The following PTPRN2 variants were observed in gnomAD, a reference collection of about 807,000 sequenced individuals.
PTPRN2 encodes the protein protein tyrosine phosphatase receptor type N2.
In PTPRN2, 74 loss-of-function variants were observed where a neutral mutation model predicts 118.8. That is an observed-to-expected ratio of 0.62 (90% CI 0.52 to 0.76). The LOEUF (loss-of-function observed/expected upper bound fraction) is 0.76. Ranked by LOEUF, PTPRN2 falls within the 30% of genes least tolerant of loss-of-function variation. The pLI is 0.00. For synonymous variants in PTPRN2, 641 were observed against 608.0 expected (o/e 1.05, Z -0.80); for missense variants, 1,481 against 1,394.4 (o/e 1.06, Z -0.99).
intron 5 of PTPRN2, among the ~76,000 whole-genome samples, chr7:158,173,537 G>GGTTCCA (rs1823907445): frequency 6.6e-6 from 1 of 152,318 alleles, no homozygotes; most frequent in African/African-American, 2.4e-5. Flanking sequence ...TTACTGATGA[G>GGTTCCA]TGTCCCACTG....
intron 13 of PTPRN2, among the ~76,000 whole-genome samples, chr7:157,679,552 A>G (rs891790559): frequency 2.0e-5 from 3 of 152,226 alleles, no homozygotes; most frequent in Non-Finnish European, 2.9e-5. Context: ...TTGAGGAAAA[A>G]CAGGTAAACA....
intron 5 of PTPRN2, among the ~76,000 whole-genome samples, chr7:158,187,090 T>C (rs931650070): frequency 1.3e-4 from 20 of 152,196 alleles, no homozygotes; most frequent in African/African-American, 4.3e-4. Flanking sequence ...ACCCTCACAA[T>C]GCAGAAGTCG....
intron 12 of PTPRN2, among the ~76,000 whole-genome samples, chr7:157,810,126 C>A (rs1805896475): frequency 6.6e-6 from 1 of 152,236 alleles, no homozygotes; most frequent in African/African-American, 2.4e-5. Flanking sequence ...ACACCCTGAG[C>A]TTCTGCGGAG....
intron 11 of PTPRN2, among the ~76,000 whole-genome samples, chr7:158,014,941 A>AT (rs1317750526): frequency 6.6e-6 from 1 of 152,346 alleles, no homozygotes; most frequent in Non-Finnish European, 1.5e-5. Context: ...GATTGTTTTT[A>AT]TCAAGTATTT....
At chr7:158,203,599 C>CA (rs36100811) in intron 4 of PTPRN2, among the ~76,000 whole-genome samples, 241 of 152,002 alleles carry the variant, frequency 1.6e-3, no homozygotes, top group Non-Finnish European at 2.8e-3. Context: ...GTTCTGCACC[C>CA]CCCCAGAGTG....
At chr7:158,540,919 C>T (rs1206399237) in intron 1 of PTPRN2, among the ~76,000 whole-genome samples, 3 of 152,212 alleles carry the variant, frequency 2.0e-5, no homozygotes, top group Non-Finnish European at 4.4e-5. Flanking sequence ...ATTTACCGAG[C>T]GCCAAGCACA....
chr7:158,407,686 CCTGG>C (rs879367977), intron 2 of PTPRN2, among the ~76,000 whole-genome samples: 1,973 of 143,128 alleles, frequency 0.014, 230 homozygotes, highest in Middle Eastern at 0.022. Flanking sequence ...GGTCCTGGGT[CCTGG>C]GTCCTGCGTC....
chr7:157,773,762 C>T (rs1803027798), intron 12 of PTPRN2, among the ~76,000 whole-genome samples: 1 of 152,212 alleles, frequency 6.6e-6, no homozygotes. Context: ...CCCCCAGGTC[C>T]TGGTTGGTGG....
At chr7:157,634,999 G>C (rs1242925878) in intron 14 of PTPRN2, among the ~76,000 whole-genome samples, 1 of 152,222 alleles carries the variant, frequency 6.6e-6, no homozygotes, top group Non-Finnish European at 1.5e-5. Context: ...GTGACGTTAA[G>C]TCCAGAACAC....
At chr7:158,505,111 C>T (rs1334355436) in intron 1 of PTPRN2, among the ~76,000 whole-genome samples, 1 of 152,186 alleles carries the variant, frequency 6.6e-6, no homozygotes, top group African/African-American at 2.4e-5. Flanking sequence ...AACTCTGATG[C>T]AGGTAGGATT....
In PTPRN2 at chr7:158,070,983, G is replaced by A. The variant is rs555886225; in HGVS notation, c.1723+10315C>T. Among the ~76,000 whole-genome samples the A allele has an allele frequency of 1.0e-3, 89 of 86,490 alleles. 1 individual carries two copies. Among genetic ancestry groups the A allele is most frequent in the Non-Finnish European group, 1.4e-3 (63 of 45,128 alleles). 56.7% of individuals were successfully genotyped at this position (86,490 alleles called of 152,430 possible). On this transcript the variant is annotated intron_variant, in intron 11 of 22. Transcript: ENST00000389418. The stretch of plus-strand genomic sequence containing the variant: ...GGAGGTGCTCACGGTGGAGGTGCCC[G>A]TGGTGGTGGAGGTGCTCATGGTGGT...
chr7:157,557,122 A>G (rs1011575843), intron 21 of PTPRN2, among the ~76,000 whole-genome samples: 1 of 150,218 alleles, frequency 6.7e-6, no homozygotes, highest in Non-Finnish European at 1.5e-5. Context: ...ATGCTCACAC[A>G]ACATGCACAC....
intron 12 of PTPRN2, among the ~76,000 whole-genome samples, chr7:157,809,960 C>G (rs1404837442): frequency 6.6e-6 from 1 of 152,140 alleles, no homozygotes; most frequent in African/African-American, 2.4e-5. Context: ...ATGGAAAATA[C>G]CAGGCTGATG....
Position 157,656,497 on chromosome 7 carries a change from G to A in PTPRN2, c.2056C>T (p.His686Tyr). Residue 686 changes from histidine to tyrosine, a missense_variant, in exon 14 of 23, where the codon CAC becomes TAC. Coordinates refer to ENST00000389418, the MANE Select transcript of PTPRN2 (RefSeq NM_002847.5). Reference protein sequence around the residue: ...TRPPDRPEGPHTSRISSVSSQ... With the variant: ...TRPPDRPEGPYTSRISSVSSQ... ...GAGACGCTGCTGATGCGTGACGTGT[G>A]CGGGCCCTCAGGTCGGTCTGGTGGC... 1 of 1,554,002 alleles carries A rather than the reference G, an allele frequency of 6.4e-7. No homozygotes were observed. Among genetic ancestry groups the A allele is most frequent in the Non-Finnish European group, 8.7e-7 (1 of 1,153,712 alleles).
intron 12 of PTPRN2, among the ~76,000 whole-genome samples, chr7:157,695,710 AT>A (rs1375473146): frequency 6.6e-6 from 1 of 152,246 alleles, no homozygotes; most frequent in African/African-American, 2.4e-5. Context: ...ACCAGTAGTT[AT>A]TTTTTCAAGG....
intron 2 of PTPRN2, among the ~76,000 whole-genome samples, chr7:158,485,682 T>A (rs1222869292): frequency 6.6e-6 from 1 of 151,706 alleles, no homozygotes; most frequent in Non-Finnish European, 1.5e-5. Context: ...TCAAAGGGAA[T>A]GGTGGTTCCT....
intron 2 of PTPRN2, among the ~76,000 whole-genome samples, chr7:158,333,848 TGA>T (rs1805013305): frequency 7.1e-6 from 1 of 140,502 alleles, no homozygotes; most frequent in Non-Finnish European, 1.5e-5. Context: ...ACCATAGAGC[TGA>T]CACCCGCAGA....
intron 12 of PTPRN2, among the ~76,000 whole-genome samples, chr7:157,713,297 C>T (rs1487637745): frequency 1.3e-5 from 2 of 152,134 alleles, no homozygotes; most frequent in Non-Finnish European, 2.9e-5. Context: ...TTGACAACAT[C>T]GTGGAATATA....
At chr7:158,328,875 G>A (rs528344705) in intron 2 of PTPRN2, among the ~76,000 whole-genome samples, 26 of 148,400 alleles carry the variant, frequency 1.8e-4, no homozygotes, top group African/African-American at 5.2e-4. Context: ...AGCGACAAGC[G>A]GGACCTCTGT....
Sources: allele counts gnomAD v4.1 joint callset (sites outside exome capture counted in the v4.1 genomes callset), GRCh38; gene constraint gnomAD v4.1.1; transcripts MANE v1.5; gene names NCBI Gene and HGNC (gene_info 2026-07-23, HGNC 2026-07-21).